Variants in RANGAP1 observed in about 807,000 individuals in gnomAD.
RANGAP1 encodes Ran GTPase activating protein 1, also known as ran GTPase-activating protein 1.
A neutral mutation model predicts 63.5 loss-of-function variants in RANGAP1; 38 were observed. The ratio of observed to expected loss-of-function variants is 0.60; its 90% CI spans 0.46 to 0.78. The LOEUF (loss-of-function observed/expected upper bound fraction) is 0.78, where lower values mean the gene tolerates loss of function less well. RANGAP1 is among the 30% of genes least tolerant of loss of function. The pLI is 0.00. For synonymous variants in RANGAP1, 329 were observed against 310.5 expected (o/e 1.06, Z -0.63); for missense variants, 630 against 740.3 (o/e 0.85, Z 1.73).
intron 4 of RANGAP1, among the ~76,000 whole-genome samples, chr22:41,267,261 T>C (rs1371244643): frequency 2.0e-5 from 3 of 152,126 alleles, no homozygotes; most frequent in Non-Finnish European, 4.4e-5. Context: ...TCCCAGCTAC[T>C]TGGGAGGCTG....
At chr22:41,256,857 G>T (rs764772642) in intron 7 of RANGAP1, 33 bp from the exon 8 acceptor site, 58 of 1,575,608 alleles carry the variant, frequency 3.7e-5, no homozygotes, top group Admixed American at 1.0e-4. Flanking sequence ...CAGAGTGAGG[G>T]TGCAGACCAC....
chr22:41,294,665 G>T, the RANGAP1 span, among the ~76,000 whole-genome samples: 1 of 139,416 alleles, frequency 7.2e-6, no homozygotes, highest in Middle Eastern at 3.8e-3. Flanking sequence ...CTGCCCGGCC[G>T]CCCATCGTCT....
chr22:41,249,891 C>G, intron 13 of RANGAP1, 74 bp from the exon 14 acceptor site: 1 of 1,325,236 alleles, frequency 7.5e-7, no homozygotes, highest in South Asian at 1.2e-5. Flanking sequence ...AGGGTTCCCC[C>G]AACACCGCGC....
chr22:41,288,134 AGT>A (rs1158596430), upstream of RANGAP1, among the ~76,000 whole-genome samples: 30 of 152,134 alleles, frequency 2.0e-4, no homozygotes, highest in African/African-American at 7.0e-4. Context: ...CTCTAGACAG[AGT>A]GTAACTCTCC....
intron 6 of RANGAP1, among the ~76,000 whole-genome samples, 171 bp downstream of exon 6, chr22:41,261,275 C>T (rs904006677): frequency 2.6e-5 from 4 of 152,228 alleles, no homozygotes; most frequent in East Asian, 1.9e-4. Context: ...CAGAAATGCA[C>T]GACAGGAATT....
At chr22:41,264,643 G>T (rs756663023) in intron 5 of RANGAP1, 21 bp downstream of exon 5, 21 of 1,604,106 alleles carry the variant, frequency 1.3e-5, no homozygotes, top group Middle Eastern at 1.7e-4. Flanking sequence ...GACTCTGCGG[G>T]GAGGGGGCTG....
the RANGAP1 span, among the ~76,000 whole-genome samples, chr22:41,300,241 T>G: frequency 1.3e-5 from 2 of 151,996 alleles, no homozygotes; most frequent in African/African-American, 4.8e-5. Flanking sequence ...GTTCATTATT[T>G]CACCAGCAAC....
Position 41,256,284 on chromosome 22 carries a change from T to A in RANGAP1, c.895A>T (p.Asn299Tyr). The A allele has an allele frequency of 6.2e-7, 1 of 1,614,048 alleles. No individual in the cohort carries two copies. The highest frequency in any genetic ancestry group is 8.5e-7 in the Non-Finnish European group (1 of 1,179,980). The change falls in exon 9 of 16, where the codon AAC (asparagine) becomes TAC (tyrosine). Residue 299 changes from asparagine to tyrosine, a missense_variant. By Grantham distance (143) the Asn-to-Tyr change is moderately radical. Around this residue, in one of 3 missense-constraint regions of RANGAP1, gnomAD observed 428 missense variants for 465.5 expected, o/e 0.92. Coordinates refer to ENST00000356244, the MANE Select transcript of RANGAP1 (RefSeq NM_002883.4). ...CTCTTGATTTCACAGAATGACAAGT[T>A]CAGCTCCTGAAAATAAGAGGAAGGG... ...RGGLPKLKEL[N>Y]LSFCEIKRDA...
the RANGAP1 span, among the ~76,000 whole-genome samples, chr22:41,301,354 A>C: frequency 6.6e-6 from 1 of 152,158 alleles, no homozygotes; most frequent in Admixed American, 6.5e-5. Context: ...ACTTTTAAAG[A>C]AAATAAAGGT....
intron 2 of RANGAP1, chr22:41,277,459 C>T: frequency 8.4e-7 from 1 of 1,195,730 alleles, no homozygotes; most frequent in Non-Finnish European, 1.1e-6. Flanking sequence ...ATAATCTGAA[C>T]AAAACCAAAA....
chr22:41,295,108 C>G, the RANGAP1 span, among the ~76,000 whole-genome samples: 6 of 150,128 alleles, frequency 4.0e-5, no homozygotes, highest in Non-Finnish European at 8.9e-5. Context: ...CCAGCCTCCC[C>G]GTCCGGGAGG....
chr22:41,268,164 G>A lies in RANGAP1; in HGVS notation c.241-8C>T, dbSNP rs372150847. ...GTCACTCCAGTGGCAGCGCTGCAAC[G>A]GAAAGAAGAGAAGAGTTAGCGGGAG... On this transcript the variant is annotated splice_region_variant and splice_polypyrimidine_tract_variant and intron_variant, in intron 3 of 15. Coordinates refer to ENST00000356244, the MANE Select transcript of RANGAP1 (RefSeq NM_002883.4). 38 of 1,545,716 alleles carry A rather than the reference G, an allele frequency of 2.5e-5. No homozygotes were observed. The Middle Eastern group carries it at 1.2e-3, about 48-fold the overall frequency.
chr22:41,258,188 G>GGCACAGGAATGGGCTGCCGCCA, intron 6 of RANGAP1, 82 bp from the exon 7 acceptor site: 1 of 1,475,650 alleles, frequency 6.8e-7, no homozygotes, highest in South Asian at 1.3e-5. Context: ...CCACACAGCA[G>GGCACAGGAATGGGCTGCCGCCA]GCACAGGAAT....
At chr22:41,277,865 T>C (rs2035247484) in intron 2 of RANGAP1, among the ~76,000 whole-genome samples, 1 of 152,166 alleles carries the variant, frequency 6.6e-6, no homozygotes. Flanking sequence ...TATTCACATT[T>C]TGCCTTCACT....
chr22:41,277,469 A>C, intron 2 of RANGAP1: 2 of 1,197,184 alleles, frequency 1.7e-6, no homozygotes, highest in Middle Eastern at 2.2e-4. Context: ...CAAAACCAAA[A>C]CTTACATGAA....
At chr22:41,271,177 C>T (rs574683012) in intron 3 of RANGAP1, among the ~76,000 whole-genome samples, 1 of 151,204 alleles carries the variant, frequency 6.6e-6, no homozygotes, top group East Asian at 2.0e-4. Context: ...ACTGCTTGAG[C>T]CTAGGAGATC....
In RANGAP1 at chr22:41,257,980, A is replaced by C. The variant is rs1313793460; in HGVS notation, c.742T>G (p.Phe248Val). 6.2e-7 allele frequency: 1 copy of C among 1,612,678 alleles called. No individual in the cohort carries two copies. The highest frequency in any genetic ancestry group is 8.5e-7 in the Non-Finnish European group (1 of 1,179,206). ...LRVINLNDNTFTEKGAVAMAE... is the reference protein window; with the variant it reads ...LRVINLNDNTVTEKGAVAMAE... ...ATGGCCACGGCGCCCTTCTCAGTGA[A>C]GGTGTTGTCATTCAGGTTGATGACC... Residue 248 changes from phenylalanine to valine, a missense_variant, in exon 7 of 16, where the codon TTC (phenylalanine) becomes GTC (valine). Physicochemically the swap from Phe to Val is conservative, Grantham distance 50. Transcript: ENST00000356244. This position sits in a 1 kb window ranked among gnomAD's most constrained non-coding sequence, Gnocchi z 4.0.
At chr22:41,267,338 T>G (rs1255852168) in intron 4 of RANGAP1, among the ~76,000 whole-genome samples, 1 of 151,812 alleles carries the variant, frequency 6.6e-6, no homozygotes, top group Non-Finnish European at 1.5e-5. Flanking sequence ...GACCCTGTCT[T>G]TAAAAAAAAA....
intron 2 of RANGAP1, among the ~76,000 whole-genome samples, chr22:41,278,518 G>C (rs962964134): frequency 2.0e-5 from 3 of 152,190 alleles, no homozygotes; most frequent in Admixed American, 2.0e-4. Context: ...ATCTGACACG[G>C]TGTTCAATAA....
Sources: gnomAD v4.1 joint callset for allele counts (sites outside exome capture counted in the v4.1 genomes callset) on GRCh38, gnomAD v4.1.1 for gene constraint, gnomAD v4.1.1 regional missense constraint, Gnocchi (gnomAD v3.1) non-coding constraint, MANE v1.5 for transcripts, NCBI Gene and HGNC (gene_info 2026-07-23, HGNC 2026-07-21) for gene names.